Variants in PLCE1 observed in about 807,000 individuals in gnomAD.
PLCE1 encodes the protein 1-phosphatidylinositol 4,5-bisphosphate phosphodiesterase epsilon-1.
Under a neutral mutation model 242.8 loss-of-function variants are expected in PLCE1, and 119 were observed. That is an observed-to-expected ratio of 0.49 (90% CI 0.42 to 0.57). The LOEUF (loss-of-function observed/expected upper bound fraction) is 0.57, where lower values mean the gene tolerates loss of function less well. PLCE1 is among the 20% of genes least tolerant of loss of function. The pLI, the probability that PLCE1 is intolerant of heterozygous loss-of-function variation, is 0.00. For missense variants in PLCE1, 2,441 were observed against 2,788.8 expected, an observed-to-expected ratio of 0.88 and a Z score of 2.81; for synonymous variants, 945 against 1,017.4, an observed-to-expected ratio of 0.93 and a Z score of 1.35.
chr10:94,247,868 A>G (rs1479916282), intron 8 of PLCE1, among the ~76,000 whole-genome samples: 2 of 152,250 alleles, frequency 1.3e-5, no homozygotes, highest in African/African-American at 4.8e-5. Context: ...TGGGGAAAAG[A>G]GGATACAGAT....
chr10:94,038,781 A>C (rs1408126858), intron 2 of PLCE1, among the ~76,000 whole-genome samples: 6 of 152,194 alleles, frequency 3.9e-5, no homozygotes, highest in Non-Finnish European at 4.4e-5. Context: ...AGTGGTTTTA[A>C]ATATGTTCAC....
chr10:94,236,353 T>A (rs2050323739), intron 7 of PLCE1, among the ~76,000 whole-genome samples: 1 of 152,114 alleles, frequency 6.6e-6, no homozygotes, highest in Non-Finnish European at 1.5e-5. Context: ...TCTTACCATC[T>A]GTTACCCCTT....
intron 24 of PLCE1, among the ~76,000 whole-genome samples, chr10:94,303,980 A>G (rs1427850450): frequency 6.6e-6 from 1 of 152,180 alleles, no homozygotes; most frequent in Non-Finnish European, 1.5e-5. Flanking sequence ...GAATATATTC[A>G]GGGCAACTTG....
Position 94,329,272 on chromosome 10 carries a change from A to G in PLCE1, c.*1329A>G, listed in dbSNP as rs2054128395. ...AAGGATTCTTCATATTCTTAGTATG[A>G]AGCAAATTATGAATTTTAAAAATGA... On this transcript the variant is annotated 3_prime_UTR_variant, in exon 33 of 33. Transcript: ENST00000371380. 1 of 152,218 alleles carries G rather than the reference A, an allele frequency of 6.6e-6. No individual in the cohort carries two copies. The highest frequency in any genetic ancestry group is 1.5e-5 in the Non-Finnish European group (1 of 68,038). The allele number at this position is 152,218 out of a possible 1,614,324, so 9.4% of individuals were successfully genotyped here.
rs891372245 is a variant in PLCE1 at position 94,298,423 on chromosome 10, C to G, written c.5212C>G (p.Pro1738Ala). ...ACAGACCTGGGAGGAATCTTCTTCC[C>G]CTCTCAACCCAACCACGTCCCTCAG... is the stretch of plus-strand genomic sequence containing the variant. ...IRQTWEESSS[P>A]LNPTTSLSAI... Residue 1738 changes from proline to alanine, a missense_variant, in exon 24 of 33, where the codon CCT (proline) becomes GCT (alanine). Physicochemically the swap from Pro to Ala is conservative, Grantham distance 27. This residue lies in a region of PLCE1 where 1,004 missense variants were observed against 1,322.7 expected (regional missense o/e 0.76). Coordinates refer to ENST00000371380, the MANE Select transcript of PLCE1 (RefSeq NM_016341.4). This position sits in a 1 kb window ranked among gnomAD's most constrained non-coding sequence, Gnocchi z 5.2. 1 of 1,613,942 alleles carries G rather than the reference C, an allele frequency of 6.2e-7. No individual in the cohort carries two copies. The highest frequency in any genetic ancestry group is 1.3e-5 in the African/African-American group (1 of 74,892).
chr10:94,206,202 G>A (rs1006533656), intron 4 of PLCE1, among the ~76,000 whole-genome samples: 1 of 152,174 alleles, frequency 6.6e-6, no homozygotes, highest in Non-Finnish European at 1.5e-5. Context: ...GAGGGAATGA[G>A]CTACCTGGAC....
rs181762097 is a variant in PLCE1 at position 94,072,891 on chromosome 10, T to C, written c.1206+40639T>C. Among the ~76,000 whole-genome samples, 215 of 152,244 alleles carry C rather than the reference T, an allele frequency of 1.4e-3. 2 individuals are homozygous for C. The highest frequency in any genetic ancestry group is 4.3e-3 in the African/African-American group (178 of 41,530). ...CCCACACAGATGCACTGGTGAGCAA[T>C]GTGGAGATCGCTGAAGAGCCCATGG... is the stretch of plus-strand genomic sequence containing the variant. On this transcript the variant is annotated intron_variant, in intron 2 of 32. Coordinates refer to ENST00000371380, the MANE Select transcript of PLCE1 (RefSeq NM_016341.4).
chr10:94,018,695 A>G (rs2061324931), intron 1 of PLCE1, among the ~76,000 whole-genome samples: 3 of 152,292 alleles, frequency 2.0e-5, no homozygotes, highest in Middle Eastern at 6.8e-3. Flanking sequence ...GTATTAGTTC[A>G]TATCCTAATT....
chr10:94,076,828 A>G (rs2044517317), intron 2 of PLCE1, among the ~76,000 whole-genome samples: 2 of 149,368 alleles, frequency 1.3e-5, no homozygotes, highest in Admixed American at 1.3e-4. Context: ...TCCTGACCAC[A>G]CATCCTTTTA....
chr10:94,193,247 C>A (rs2048722308), intron 4 of PLCE1, among the ~76,000 whole-genome samples: 1 of 152,136 alleles, frequency 6.6e-6, no homozygotes, highest in Non-Finnish European at 1.5e-5. Flanking sequence ...AGACCGCCAA[C>A]ACAATAGCCT....
intron 2 of PLCE1, among the ~76,000 whole-genome samples, chr10:94,121,498 C>A (rs559307899): frequency 1.3e-5 from 2 of 152,246 alleles, no homozygotes; most frequent in East Asian, 3.9e-4. Flanking sequence ...GGTCTTGGAG[C>A]TCTAAAGATT....
chr10:94,095,485 TA>T (rs1195037625), intron 2 of PLCE1, among the ~76,000 whole-genome samples: 1 of 152,112 alleles, frequency 6.6e-6, no homozygotes, highest in African/African-American at 2.4e-5. Context: ...GCCTCCTGAG[TA>T]GCAGGGACTA....
At chr10:94,294,428 G>C (rs2133466276) in intron 23 of PLCE1, among the ~76,000 whole-genome samples, 1 of 152,238 alleles carries the variant, frequency 6.6e-6, no homozygotes, top group African/African-American at 2.4e-5. Flanking sequence ...TTTTGTTCAA[G>C]AAAAATAAGA....
intron 4 of PLCE1, among the ~76,000 whole-genome samples, chr10:94,184,325 CTTTA>C (rs747524618): frequency 6.6e-6 from 1 of 152,084 alleles, no homozygotes; most frequent in Admixed American, 6.6e-5. Context: ...TCCAACTTAA[CTTTA>C]TTTATTTATT....
intron 2 of PLCE1, chr10:94,089,380 A>T: frequency 1.3e-6 from 2 of 1,582,250 alleles, no homozygotes; most frequent in Non-Finnish European, 1.7e-6. Flanking sequence ...AGACCAGGTA[A>T]GGGTTCTTGT....
rs371065789 is a variant in PLCE1, at chr10:94,125,316, G to C, written c.1207-6858G>C. Among the ~76,000 whole-genome samples the C allele has an allele frequency of 1.7e-4, 26 of 152,232 alleles. No individual in the cohort carries two copies. In the East Asian group the frequency reaches 2.7e-3, roughly 16 times the overall value. On this transcript the variant is annotated intron_variant, in intron 2 of 32. Transcript: ENST00000371380. ...TCTGACATCTGTAATAGGATTTTCTGTTTGGTTTGGTAGTTAACAGCACTA... is the reference window on the plus strand; with the variant it reads ...TCTGACATCTGTAATAGGATTTTCTCTTTGGTTTGGTAGTTAACAGCACTA...
intron 2 of PLCE1, among the ~76,000 whole-genome samples, chr10:94,087,182 TA>T (rs2044858993): frequency 6.6e-6 from 1 of 151,584 alleles, no homozygotes; most frequent in Admixed American, 6.6e-5. Flanking sequence ...ACCCTGTTGC[TA>T]TAAAGTTTTT....
At chr10:94,000,071 G>A (rs1177589893) in intron 1 of PLCE1, among the ~76,000 whole-genome samples, 1 of 152,152 alleles carries the variant, frequency 6.6e-6, no homozygotes, top group Non-Finnish European at 1.5e-5. Flanking sequence ...AGATGCTGAG[G>A]AATGAAGATC....
chr10:94,072,459 A>G (rs781530991), intron 2 of PLCE1, among the ~76,000 whole-genome samples: 8 of 151,800 alleles, frequency 5.3e-5, no homozygotes, highest in Non-Finnish European at 1.2e-4. Context: ...TTGTATTTTT[A>G]ATAGAGACGG....
Sources: allele counts gnomAD v4.1 joint callset (sites outside exome capture counted in the v4.1 genomes callset), GRCh38; gene constraint gnomAD v4.1.1; regional missense constraint gnomAD v4.1.1; non-coding constraint Gnocchi (gnomAD v3.1); transcripts MANE v1.5; gene names NCBI Gene and HGNC (gene_info 2026-07-23, HGNC 2026-07-21).